Variants in DLG2 observed in about 807,000 individuals in gnomAD.
DLG2 encodes discs large MAGUK scaffold protein 2.
DLG2 carries 45 observed loss-of-function variants against 132.5 expected under a neutral mutation model. That is an observed-to-expected ratio of 0.34 (90% confidence interval 0.27 to 0.44). The LOEUF is 0.44. Among genes scored for constraint, DLG2 ranks in the 20% least tolerant of loss-of-function variants. The pLI is 1.00. For missense variants in DLG2, 1,045 were observed against 1,196.9 expected (o/e 0.87, Z 1.87); for synonymous variants, 424 against 419.6 (o/e 1.01, Z -0.13).
intron 8 of DLG2, among the ~76,000 whole-genome samples, chr11:84,183,830 G>GT (rs1399268370): frequency 6.6e-6 from 1 of 152,102 alleles, no homozygotes; most frequent in Non-Finnish European, 1.5e-5. Flanking sequence ...GTGGTGCTTG[G>GT]TTTTTTGTCC....
chr11:84,807,481 A>G (rs896735189), intron 6 of DLG2, among the ~76,000 whole-genome samples: 1 of 152,090 alleles, frequency 6.6e-6, no homozygotes, highest in African/African-American at 2.4e-5. Context: ...AAAAAAGAAT[A>G]AAACAAAAGA....
rs183279469 is a variant in DLG2, at chr11:85,148,137, G to A, written c.282+6419C>T. Among the ~76,000 whole-genome samples the A allele has an allele frequency of 3.5e-3, 527 of 152,042 alleles. 2 individuals are homozygous for A. The highest frequency in any genetic ancestry group is 6.8e-3 in the Middle Eastern group (2 of 292). The stretch of plus-strand genomic sequence containing the variant: ...CATGGTGTGTATATACCACATTTTC[G>A]TTATCCAGTCTGTAATTGATGGGCA... On this transcript the variant is annotated intron_variant, in intron 5 of 27. Coordinates refer to ENST00000376104, the MANE Select transcript of DLG2 (RefSeq NM_001142699.3).
intron 6 of DLG2, among the ~76,000 whole-genome samples, chr11:85,092,330 T>A (rs2068923565): frequency 6.6e-6 from 1 of 152,092 alleles, no homozygotes; most frequent in African/African-American, 2.4e-5. Flanking sequence ...AATGTTATAA[T>A]CCCAAAAGAT....
chr11:85,409,359 C>T (rs533101526), intron 3 of DLG2, among the ~76,000 whole-genome samples: 1 of 151,802 alleles, frequency 6.6e-6, no homozygotes, highest in Admixed American at 6.6e-5. Flanking sequence ...GCATCCAGAG[C>T]CACTTTGGCA....
At chr11:85,168,878 T>G (rs1034290146) in intron 4 of DLG2, among the ~76,000 whole-genome samples, 1 of 152,144 alleles carries the variant, frequency 6.6e-6, no homozygotes, top group African/African-American at 2.4e-5. Flanking sequence ...TATGCAGGTA[T>G]GCAAATAATA....
chr11:83,724,032 GT>G (rs1203960079), intron 18 of DLG2, among the ~76,000 whole-genome samples: 1 of 152,142 alleles, frequency 6.6e-6, no homozygotes, highest in East Asian at 1.9e-4. Flanking sequence ...AGCTATGATT[GT>G]TAAAAATTAT....
At chr11:83,857,255 T>TCTC (rs1315065046) in intron 16 of DLG2, among the ~76,000 whole-genome samples, 1 of 152,146 alleles carries the variant, frequency 6.6e-6, no homozygotes, top group African/African-American at 2.4e-5. Flanking sequence ...TAGTGTGATG[T>TCTC]CTCCAGCTTT....
intron 7 of DLG2, among the ~76,000 whole-genome samples, chr11:84,353,966 T>A (rs567671184): frequency 6.6e-6 from 1 of 152,150 alleles, no homozygotes; most frequent in African/African-American, 2.4e-5. Context: ...CTCTCCTCCA[T>A]AGCACTTATC....
At chr11:85,478,866 T>A (rs1424470641) in intron 3 of DLG2, among the ~76,000 whole-genome samples, 1 of 152,108 alleles carries the variant, frequency 6.6e-6, no homozygotes, top group Non-Finnish European at 1.5e-5. Context: ...CCTTAATGCA[T>A]AAAAACAAAT....
At chr11:84,398,006 A>C (rs2098816744) in intron 7 of DLG2, among the ~76,000 whole-genome samples, 1 of 152,164 alleles carries the variant, frequency 6.6e-6, no homozygotes, top group Admixed American at 6.5e-5. Flanking sequence ...ATAATGCTTT[A>C]TTTTTATAAT....
intron 10 of DLG2, among the ~76,000 whole-genome samples, chr11:84,068,870 T>C (rs2096716046): frequency 6.6e-6 from 1 of 152,136 alleles, no homozygotes; most frequent in South Asian, 2.1e-4. Flanking sequence ...AAAGTTGAAA[T>C]AGGTTTGTAA....
intron 6 of DLG2, among the ~76,000 whole-genome samples, chr11:84,783,557 T>A (rs1284447874): frequency 3.3e-5 from 5 of 152,190 alleles, no homozygotes; most frequent in African/African-American, 1.2e-4. Flanking sequence ...TGCGGTCTCA[T>A]GGCATCTAAA....
At chr11:84,331,562 G>T (rs758260237) in intron 7 of DLG2, among the ~76,000 whole-genome samples, 73 of 150,848 alleles carry the variant, frequency 4.8e-4, no homozygotes, top group Non-Finnish European at 8.4e-4. Context: ...GATGGAGGAG[G>T]TGGGTCGGCA....
At chr11:85,550,795 C>T (rs1322410806) in intron 3 of DLG2, among the ~76,000 whole-genome samples, 1 of 152,204 alleles carries the variant, frequency 6.6e-6, no homozygotes, top group African/African-American at 2.4e-5. Flanking sequence ...AGAACAGTTC[C>T]TCTTTACTGT....
At chr11:84,377,760 C>T (rs1262841150) in intron 7 of DLG2, among the ~76,000 whole-genome samples, 1 of 152,036 alleles carries the variant, frequency 6.6e-6, no homozygotes, top group Non-Finnish European at 1.5e-5. Flanking sequence ...ATATTTAAAA[C>T]ATATATATTT....
intron 7 of DLG2, among the ~76,000 whole-genome samples, chr11:84,379,847 G>C (rs992338988): frequency 1.3e-5 from 2 of 151,708 alleles, no homozygotes; most frequent in African/African-American, 2.4e-5. Context: ...GATTTAGGTA[G>C]CACAATAAGC....
chr11:85,314,074 A>C (rs966242520), intron 3 of DLG2, among the ~76,000 whole-genome samples: 14 of 152,034 alleles, frequency 9.2e-5, no homozygotes, highest in African/African-American at 3.1e-4. Flanking sequence ...GACTGCTTCT[A>C]AATTTTAGTG....
intron 6 of DLG2, among the ~76,000 whole-genome samples, chr11:85,001,990 G>C (rs1248058954): frequency 1.3e-5 from 2 of 152,156 alleles, no homozygotes; most frequent in African/African-American, 4.8e-5. Flanking sequence ...AAAAAATGCT[G>C]ATATCCTTTG....
chr11:84,343,409 A>C (rs2154407175), intron 7 of DLG2, among the ~76,000 whole-genome samples: 1 of 152,326 alleles, frequency 6.6e-6, no homozygotes, highest in South Asian at 2.1e-4. Flanking sequence ...TTTTCATCAA[A>C]GCAAGTCACT....
Sources: gnomAD v4.1 joint callset for allele counts (sites outside exome capture counted in the v4.1 genomes callset) on GRCh38, gnomAD v4.1.1 for gene constraint, MANE v1.5 for transcripts, NCBI Gene and HGNC (gene_info 2026-07-23, HGNC 2026-07-21) for gene names.